Variants in CBFB observed in about 807,000 individuals in gnomAD.
The protein encoded by CBFB is CBF-beta.
Under a neutral mutation model 30.4 loss-of-function variants are expected in CBFB, and 9 were observed. The observed-to-expected ratio is 0.30, with a 90% confidence interval of 0.18 to 0.52. CBFB has a LOEUF of 0.52. CBFB is among the 20% of genes least tolerant of loss of function. The pLI is 0.97. For missense variants in CBFB, 170 were observed against 244.0 expected, an observed-to-expected ratio of 0.70 and a Z score of 2.02; for synonymous variants, 94 against 84.0, an observed-to-expected ratio of 1.12 and a Z score of -0.65.
chr16:67,096,679 T>A (rs1962054043), intron 5 of CBFB, among the ~76,000 whole-genome samples: 1 of 152,046 alleles, frequency 6.6e-6, no homozygotes, highest in East Asian at 1.9e-4. Flanking sequence ...AATATTGTTA[T>A]AACAATACAT....
At chr16:67,065,801 G>A (rs1961034071) in intron 3 of CBFB, among the ~76,000 whole-genome samples, 1 of 152,090 alleles carries the variant, frequency 6.6e-6, no homozygotes, top group South Asian at 2.1e-4. Flanking sequence ...CAAACCCTGT[G>A]ACCTTAAAAC....
At chr16:67,077,897 ACACC>A (rs546219414) in intron 4 of CBFB, among the ~76,000 whole-genome samples, 430 of 152,318 alleles carry the variant, frequency 2.8e-3, no homozygotes, top group African/African-American at 0.01. Context: ...GATTTAATTT[ACACC>A]CAGCCATGTT....
chr16:67,088,301 C>G (rs1333300622), intron 5 of CBFB, among the ~76,000 whole-genome samples: 1 of 152,220 alleles, frequency 6.6e-6, no homozygotes, highest in Admixed American at 6.5e-5. Context: ...AGTTTACCTT[C>G]TTTTTCCTAA....
At position 67,099,755 on chromosome 16, in the gene CBFB, G is replaced by A; in HGVS notation, c.*977G>A. On this transcript the variant is annotated 3_prime_UTR_variant, in exon 6 of 6. Transcript: ENST00000412916. Reference sequence around the variant, plus strand: ...GGGATACTGGAGCTTCTTCATGTATGTAACAGCATATTAAACTGGAGACAG... The same window carrying A: ...GGGATACTGGAGCTTCTTCATGTATATAACAGCATATTAAACTGGAGACAG... 1 of 206,892 alleles carries A rather than the reference G, an allele frequency of 4.8e-6. No homozygotes were observed. 12.8% of individuals were successfully genotyped at this position (206,892 alleles called of 1,614,324 possible).
intron 3 of CBFB, among the ~76,000 whole-genome samples, chr16:67,050,075 T>C (rs575983041): frequency 1.3e-5 from 2 of 151,350 alleles, no homozygotes; most frequent in South Asian, 2.1e-4. Context: ...GGTAAGTTGA[T>C]GCAAACTCCA....
intron 3 of CBFB, among the ~76,000 whole-genome samples, chr16:67,064,461 T>C (rs946678593): frequency 6.6e-6 from 1 of 152,184 alleles, no homozygotes; most frequent in African/African-American, 2.4e-5. Context: ...CGCCTCAGCC[T>C]CCCAAAGTGC....
intron 3 of CBFB, among the ~76,000 whole-genome samples, chr16:67,047,127 T>C (rs1359016888): frequency 6.7e-6 from 1 of 150,000 alleles, no homozygotes; most frequent in Non-Finnish European, 1.5e-5. Context: ...TTGGCCAACA[T>C]AGTGAAACCC....
chr16:67,095,688 CTGTT>C (rs898383427), intron 5 of CBFB, among the ~76,000 whole-genome samples: 1 of 140,530 alleles, frequency 7.1e-6, no homozygotes, highest in African/African-American at 2.6e-5. Context: ...AAGACCTCAT[CTGTT>C]TTTTTTTTTT....
intron 3 of CBFB, among the ~76,000 whole-genome samples, chr16:67,039,799 A>G (rs1407576034): frequency 1.3e-5 from 2 of 152,120 alleles, no homozygotes; most frequent in African/African-American, 2.4e-5. Context: ...TCATCTCTGT[A>G]ACTCTGCTGT....
chr16:67,068,239 G>A (rs1961113504), intron 4 of CBFB, among the ~76,000 whole-genome samples: 1 of 152,170 alleles, frequency 6.6e-6, no homozygotes, highest in East Asian at 1.9e-4. Flanking sequence ...AGCATTTGGG[G>A]AGGCCAAGAT....
intron 5 of CBFB, among the ~76,000 whole-genome samples, chr16:67,094,955 G>T (rs1019720760): frequency 6.6e-6 from 1 of 152,120 alleles, no homozygotes; most frequent in African/African-American, 2.4e-5. Flanking sequence ...GGTGGCTCAT[G>T]CCTGTAATCC....
chr16:67,079,109 G>A (rs1371142615), intron 4 of CBFB, among the ~76,000 whole-genome samples: 3 of 152,232 alleles, frequency 2.0e-5, no homozygotes. Context: ...ATGATGTTCA[G>A]TCAAATGTTT....
chr16:67,060,683 G>A (rs1346205646), intron 3 of CBFB, among the ~76,000 whole-genome samples: 2 of 152,144 alleles, frequency 1.3e-5, no homozygotes, highest in East Asian at 3.9e-4. Flanking sequence ...AGCCTCCCGA[G>A]TAGCTGGGGT....
At chr16:67,044,256 A>G (rs866050326) in intron 3 of CBFB, among the ~76,000 whole-genome samples, 7 of 152,202 alleles carry the variant, frequency 4.6e-5, no homozygotes, top group Non-Finnish European at 5.9e-5. Flanking sequence ...CTTTAAAGAT[A>G]AGGGGTATGA....
chr16:67,054,296 C>T (rs972541482), intron 3 of CBFB, among the ~76,000 whole-genome samples: 7 of 151,974 alleles, frequency 4.6e-5, no homozygotes, highest in Non-Finnish European at 8.8e-5. Flanking sequence ...AGATTATTTT[C>T]GTTAAGAAGG....
intron 3 of CBFB, among the ~76,000 whole-genome samples, chr16:67,061,406 C>A (rs1212232607): frequency 6.6e-6 from 1 of 152,136 alleles, no homozygotes; most frequent in Non-Finnish European, 1.5e-5. Flanking sequence ...ATTCTAATAA[C>A]TTTTCTTTTT....
Position 67,085,641 on chromosome 16 carries a change from T to C in CBFB, c.495+3333T>C, listed in dbSNP as rs532934272. Reference sequence around the variant, plus strand: ...TCCCAAAGTGCTGGGATTACAGATGTGAACCACTGCACCCAGCCTAAAATT... The same window carrying C: ...TCCCAAAGTGCTGGGATTACAGATGCGAACCACTGCACCCAGCCTAAAATT... On this transcript the variant is annotated intron_variant, in intron 5 of 5. Transcript: ENST00000412916. Among the ~76,000 whole-genome samples the C allele has an allele frequency of 6.7e-4, 101 of 149,986 alleles. 1 individual carries two copies. Among genetic ancestry groups the C allele is most frequent in the African/African-American group, 2.3e-3 (94 of 40,864 alleles).
intron 2 of CBFB, among the ~76,000 whole-genome samples, chr16:67,035,521 G>A (rs554514232): frequency 2.0e-4 from 31 of 152,308 alleles, no homozygotes; most frequent in African/African-American, 6.5e-4. Context: ...TAGCATTTAG[G>A]TTGACAAGTG....
At chr16:67,050,504 G>A (rs982360949) in intron 3 of CBFB, among the ~76,000 whole-genome samples, 2 of 151,918 alleles carry the variant, frequency 1.3e-5, no homozygotes, top group Non-Finnish European at 1.5e-5. Flanking sequence ...TAATAATAAA[G>A]TAGAACGTGG....
Sources: gnomAD v4.1 joint callset for allele counts (sites outside exome capture counted in the v4.1 genomes callset) on GRCh38, gnomAD v4.1.1 for gene constraint, MANE v1.5 for transcripts, NCBI Gene and HGNC (gene_info 2026-07-23, HGNC 2026-07-21) for gene names.